Variants in MORC1 observed in about 807,000 individuals in gnomAD.
MORC1 encodes the protein MORC family CW-type zinc finger protein 1.
Under a neutral mutation model 134.9 loss-of-function variants are expected in MORC1, and 59 were observed. The observed-to-expected ratio is 0.44, with a 90% CI of 0.35 to 0.54. MORC1 has a LOEUF of 0.54. MORC1 is among the 20% of genes least tolerant of loss of function. The pLI, the probability that MORC1 is intolerant of heterozygous loss-of-function variation, is 0.00. For missense variants in MORC1, 947 were observed against 1,134.5 expected (o/e 0.83, Z 2.37); for synonymous variants, 395 against 391.7 (o/e 1.01, Z -0.10).
intron 15 of MORC1, among the ~76,000 whole-genome samples, chr3:109,033,036 T>G (rs1421673205): frequency 6.7e-6 from 1 of 148,882 alleles, no homozygotes; most frequent in Non-Finnish European, 1.5e-5. Context: ...ATTATTATTA[T>G]CTCAGTTCCC....
At chr3:109,077,086 T>G (rs186436155) in intron 8 of MORC1, among the ~76,000 whole-genome samples, 1 of 151,960 alleles carries the variant, frequency 6.6e-6, no homozygotes, top group African/African-American at 2.4e-5. Context: ...ATCAACAACA[T>G]GTATTCAAGA....
At chr3:108,977,433 A>G (rs1298445455) in intron 24 of MORC1, among the ~76,000 whole-genome samples, 4 of 152,078 alleles carry the variant, frequency 2.6e-5, no homozygotes, top group Non-Finnish European at 5.9e-5. Context: ...GCCCAGGCTG[A>G]TCTCGAACTG....
intron 1 of MORC1, among the ~76,000 whole-genome samples, chr3:109,114,890 C>T (rs895993295): frequency 2.6e-5 from 4 of 152,354 alleles, no homozygotes; most frequent in Non-Finnish European, 4.4e-5. Context: ...GAAGCCCTTG[C>T]GTGCCTCACC....
intron 9 of MORC1, among the ~76,000 whole-genome samples, chr3:109,067,647 C>T (rs1471155212): frequency 6.6e-6 from 1 of 152,056 alleles, no homozygotes; most frequent in Non-Finnish European, 1.5e-5. Context: ...AGACACTTGG[C>T]GCTTCCCAGA....
intron 21 of MORC1, among the ~76,000 whole-genome samples, chr3:108,995,827 T>G (rs979127907): frequency 1.3e-5 from 2 of 152,182 alleles, no homozygotes; most frequent in Admixed American, 6.5e-5. Flanking sequence ...TGGCTGGAGA[T>G]GCCCATCTAA....
chr3:109,060,759 C>A lies in MORC1; in HGVS notation c.967-889G>T, dbSNP rs13085659. Reference sequence around the variant, plus strand: ...CATCAGAGCAACAGGACAAATTGGTCAAGGACTTCCCCACCCTGCCTGGCA... The same window carrying A: ...CATCAGAGCAACAGGACAAATTGGTAAAGGACTTCCCCACCCTGCCTGGCA... On this transcript the variant is annotated intron_variant, in intron 11 of 27. Coordinates refer to ENST00000232603, the MANE Select transcript of MORC1 (RefSeq NM_014429.4). 3.1e-3 allele frequency among the ~76,000 whole-genome samples: 475 copies of A among 152,212 alleles called. 2 individuals are homozygous for A. The Middle Eastern group carries it at 0.058, about 19-fold the overall frequency.
intron 17 of MORC1, among the ~76,000 whole-genome samples, chr3:109,020,359 C>T (rs1278469944): frequency 6.6e-6 from 1 of 152,162 alleles, no homozygotes; most frequent in East Asian, 1.9e-4. Context: ...GGACTCAATG[C>T]AAATCCCTGA....
Position 108,959,129 on chromosome 3 carries a change from G to A in MORC1, c.2800-9C>T. 1 of 1,571,152 alleles carries A rather than the reference G, an allele frequency of 6.4e-7. No individual in the cohort carries two copies. Among genetic ancestry groups the A allele is most frequent in the Non-Finnish European group, 8.6e-7 (1 of 1,163,258 alleles). The stretch of plus-strand genomic sequence containing the variant: ...TCACCTTCTGGACCACCCTGGAAAA[G>A]AGAAGCAACAGTCACACCAGGGAAA... On this transcript the variant is annotated splice_polypyrimidine_tract_variant and intron_variant, in intron 27 of 27. Transcript: ENST00000232603.
rs368626126 is a variant in MORC1 at position 109,005,741 on chromosome 3, G to A, written c.1768-426C>T. 5.3e-5 allele frequency among the ~76,000 whole-genome samples: 8 copies of A among 152,298 alleles called. No homozygotes were observed. In the East Asian group the frequency reaches 1.5e-3, roughly 29 times the overall value. On this transcript the variant is annotated intron_variant, in intron 18 of 27. Transcript: ENST00000232603. ...ATTTGCTAAGAGATCTAGAATACAT[G>A]TGCCTGCTTGTTAGAGCCTACTCTC...
chr3:108,997,473 A>C (rs1487994749), intron 21 of MORC1, among the ~76,000 whole-genome samples: 6 of 152,140 alleles, frequency 3.9e-5, no homozygotes. Flanking sequence ...GTGCCACTGC[A>C]CTCCAGCCTG....
rs144204211 is a variant in MORC1 at position 109,087,707 on chromosome 3, C to T, written c.689+5729G>A. Among the ~76,000 whole-genome samples, 512 of 152,106 alleles carry T rather than the reference C, an allele frequency of 3.4e-3. 12 individuals are homozygous for T. Among genetic ancestry groups the T allele is most frequent in the African/African-American group, 0.012 (491 of 41,468 alleles). On this transcript the variant is annotated intron_variant, in intron 8 of 27. Coordinates refer to ENST00000232603, the MANE Select transcript of MORC1 (RefSeq NM_014429.4). ...GTCAAACTACCAATGACATTCTTCA[C>T]AGAACTAGAAAAAATTATCTTAAAA...
chr3:109,086,414 G>A (rs750718931), intron 8 of MORC1, among the ~76,000 whole-genome samples: 28 of 152,020 alleles, frequency 1.8e-4, no homozygotes, highest in Non-Finnish European at 3.4e-4. Flanking sequence ...ATGGAGAAAG[G>A]AGGAAGTGTG....
intron 20 of MORC1, among the ~76,000 whole-genome samples, chr3:109,001,474 T>C (rs1055444585): frequency 1.3e-5 from 2 of 152,248 alleles, no homozygotes; most frequent in Non-Finnish European, 2.9e-5. Context: ...ATCATCCCTC[T>C]TACCTCTAAA....
intron 21 of MORC1, 55 bp downstream of exon 21, chr3:109,000,502 A>C: frequency 2.2e-6 from 3 of 1,333,522 alleles, no homozygotes; most frequent in Non-Finnish European, 3.1e-6. Flanking sequence ...AGATCCCTCT[A>C]ATCTTTGTGA....
intron 3 of MORC1, among the ~76,000 whole-genome samples, chr3:109,105,842 TTGTC>T (rs1951022338): frequency 6.6e-6 from 1 of 152,192 alleles, no homozygotes; most frequent in Admixed American, 6.5e-5. Flanking sequence ...ATTTACTTCT[TTGTC>T]TGTAAACTTT....
chr3:109,055,321 T>G (rs1949932164), intron 13 of MORC1, among the ~76,000 whole-genome samples: 1 of 152,192 alleles, frequency 6.6e-6, no homozygotes, highest in Admixed American at 6.5e-5. Context: ...CTTGGGGTGC[T>G]CAGTGAATTC....
At chr3:108,964,641 A>G (rs1442182750) in intron 26 of MORC1, among the ~76,000 whole-genome samples, 1 of 152,212 alleles carries the variant, frequency 6.6e-6, no homozygotes, top group African/African-American at 2.4e-5. Context: ...AATATTCACT[A>G]ACTAGTTCCT....
intron 5 of MORC1, 46 bp downstream of exon 5, chr3:109,100,371 T>C: frequency 7.3e-7 from 1 of 1,365,342 alleles, no homozygotes; most frequent in South Asian, 1.2e-5. Flanking sequence ...ATAAACAGTG[T>C]TCCCAGTATC....
intron 8 of MORC1, among the ~76,000 whole-genome samples, chr3:109,090,579 C>T (rs374770014): frequency 7.0e-6 from 1 of 143,434 alleles, no homozygotes; most frequent in East Asian, 2.1e-4. Flanking sequence ...GAGACTGCAC[C>T]ACTGAACTCC....
Sources: allele counts gnomAD v4.1 joint callset (sites outside exome capture counted in the v4.1 genomes callset), GRCh38; gene constraint gnomAD v4.1.1; transcripts MANE v1.5; gene names NCBI Gene and HGNC (gene_info 2026-07-23, HGNC 2026-07-21).